GGT5: variants seen among roughly 807,000 people sequenced by gnomAD.
GGT5 encodes the protein gamma-glutamyltransferase 5, also known as glutathione hydrolase 5 proenzyme.
GGT5 carries 50 observed loss-of-function variants against 58.1 expected under a neutral mutation model. The ratio of observed to expected loss-of-function variants is 0.86; its 90% CI spans 0.69 to 1.09. The LOEUF (loss-of-function observed/expected upper bound fraction) is 1.09. Among genes scored for constraint, GGT5 ranks in the 50% least tolerant of loss-of-function variants. GGT5 has a pLI of 0.00. For missense variants in GGT5, 800 were observed against 789.4 expected (o/e 1.01, Z -0.16); for synonymous variants, 370 against 346.1 (o/e 1.07, Z -0.77).
intron 11 of GGT5, chr22:24,220,485 T>G (rs1195032303): frequency 4.3e-6 from 2 of 468,998 alleles, no homozygotes; most frequent in Non-Finnish European, 8.4e-6. Context: ...GACACAGTGG[T>G]TCACACCTGT....
At chr22:24,238,906 T>TATATATTA in intron 1 of GGT5, among the ~76,000 whole-genome samples, 1 of 14,782 alleles carries the variant, frequency 6.8e-5, no homozygotes, top group South Asian at 1.9e-3. Context: ...TATATATATA[T>TATATATTA]TATATATATT....
chr22:24,230,439 T>A (rs2047904162), intron 6 of GGT5, among the ~76,000 whole-genome samples: 1 of 150,948 alleles, frequency 6.6e-6, no homozygotes, highest in South Asian at 2.1e-4. Flanking sequence ...ATGCCTGTAA[T>A]CCCAGCTACT....
At chr22:24,238,793 ATT>A (rs56774827) in intron 1 of GGT5, among the ~76,000 whole-genome samples, 1,735 of 13,962 alleles carry the variant, frequency 0.12, 326 homozygotes, top group African/African-American at 0.39. Context: ...TATATTATAT[ATT>A]TATATATATA....
chr22:24,238,957 TA>T (rs56679608), intron 1 of GGT5, among the ~76,000 whole-genome samples: 580 of 25,706 alleles, frequency 0.023, 67 homozygotes, highest in Non-Finnish European at 0.039. Flanking sequence ...TATATATATA[TA>T]ATATATATAT....
At chr22:24,237,825 T>C (rs540432641) in intron 1 of GGT5, among the ~76,000 whole-genome samples, 3 of 152,342 alleles carry the variant, frequency 2.0e-5, no homozygotes, top group African/African-American at 7.2e-5. Context: ...AAAAGGTCCA[T>C]AGGATCTCCA....
intron 11 of GGT5, among the ~76,000 whole-genome samples, chr22:24,222,085 A>C (rs1366742954): frequency 6.6e-6 from 1 of 152,010 alleles, no homozygotes; most frequent in African/African-American, 2.4e-5. Flanking sequence ...AGGCTGAGAC[A>C]TGAGAATTGC....
intron 1 of GGT5, among the ~76,000 whole-genome samples, chr22:24,236,808 A>G (rs910538399): frequency 6.6e-6 from 1 of 151,662 alleles, no homozygotes; most frequent in Admixed American, 6.6e-5. Flanking sequence ...ACTTCCTGGT[A>G]ATGGGAGACT....
rs563859731 is a variant in GGT5, at chr22:24,230,229, G to C, written c.901+1155C>G. On this transcript the variant is annotated intron_variant, in intron 6 of 11. Transcript: ENST00000327365. Reference sequence around the variant, plus strand: ...CCAAAAATACAAAAATTAACTCGGTGTCGTGGCAAGCGCCTGTAATCCCAG... The same window carrying C: ...CCAAAAATACAAAAATTAACTCGGTCTCGTGGCAAGCGCCTGTAATCCCAG... Among the ~76,000 whole-genome samples the C allele has an allele frequency of 5.9e-5, 9 of 152,158 alleles. No individual in the cohort carries two copies. In the East Asian group the frequency reaches 1.7e-3, roughly 30 times the overall value.
intron 1 of GGT5, chr22:24,241,157 C>CGAAAAA (rs1491554724): frequency 1.4e-5 from 1 of 73,392 alleles, no homozygotes; most frequent in African/African-American, 4.8e-5. Flanking sequence ...AACTCCATCT[C>CGAAAAA]AAAAAAAAAA....
intron 5 of GGT5, 121 bp from the exon 6 acceptor site, chr22:24,231,651 G>A (rs2047945561): frequency 2.9e-6 from 3 of 1,038,984 alleles, no homozygotes; most frequent in Middle Eastern, 2.2e-4. Flanking sequence ...GACACAGGAT[G>A]ATGGTAGGTC....
intron 11 of GGT5, chr22:24,220,581 G>A (rs1601361974): frequency 2.2e-6 from 1 of 454,254 alleles, no homozygotes; most frequent in Non-Finnish European, 4.4e-6. Flanking sequence ...GCAAGATCCT[G>A]TTTCTAAAAA....
At chr22:24,232,244 T>C (rs1263804679) in intron 4 of GGT5, 36 bp from the exon 5 acceptor site, 1 of 1,287,910 alleles carries the variant, frequency 7.8e-7, no homozygotes, top group South Asian at 1.4e-5. Flanking sequence ...TGGGGCCAGG[T>C]CCCAGAGGCA....
intron 1 of GGT5, chr22:24,244,317 C>CA (rs1491335433): frequency 0.26 from 85,823 of 334,110 alleles, 6,559 homozygotes; most frequent in Admixed American, 0.32. Context: ...ACACACACAC[C>CA]CACCCACACA....
chr22:24,244,778 A>C lies in GGT5; in HGVS notation c.-53T>G. ...GGCTGGTGGGCAGACGGAGGGACGG[A>C]TGGGTGGGCAGATGAATGGACAAGA... On this transcript the variant is annotated 5_prime_UTR_variant, in exon 1 of 12. Coordinates refer to ENST00000327365, the MANE Select transcript of GGT5 (RefSeq NM_004121.5). 1 of 1,541,690 alleles carries C rather than the reference A, an allele frequency of 6.5e-7. No homozygotes were observed. Among genetic ancestry groups the C allele is most frequent in the Non-Finnish European group, 8.8e-7 (1 of 1,141,724 alleles).
chr22:24,231,001 G>A (rs1460372807), intron 6 of GGT5, among the ~76,000 whole-genome samples: 1 of 152,186 alleles, frequency 6.6e-6, no homozygotes, highest in East Asian at 1.9e-4. Context: ...CCTCAGCACT[G>A]CCAGAACCCC....
chr22:24,226,836 C>G (rs1044674196), intron 6 of GGT5, 69 bp from the exon 7 acceptor site: 34 of 1,338,576 alleles, frequency 2.5e-5, no homozygotes, highest in Non-Finnish European at 3.1e-5. Flanking sequence ...TGCCCCCACC[C>G]CCCACCACAG....
chr22:24,244,125 G>A (rs2048397764), intron 1 of GGT5: 2 of 167,174 alleles, frequency 1.2e-5, no homozygotes, highest in African/African-American at 2.4e-5. Flanking sequence ...GAATCCTGGA[G>A]CCAGGCGTGG....
chr22:24,220,964 C>A (rs142449120), intron 11 of GGT5, among the ~76,000 whole-genome samples: 1,592 of 150,550 alleles, frequency 0.011, 13 homozygotes, highest in Non-Finnish European at 0.017. Flanking sequence ...GCAGGAGGAT[C>A]CCTTGAGGCT....
chr22:24,231,556 T>C (rs780988849), intron 5 of GGT5, 26 bp from the exon 6 acceptor site: 10 of 1,580,978 alleles, frequency 6.3e-6, no homozygotes, highest in Non-Finnish European at 7.7e-6. Context: ...GAGGGCTCCA[T>C]GAACAGATGG....
Sources: allele counts gnomAD v4.1 joint callset (sites outside exome capture counted in the v4.1 genomes callset), GRCh38; gene constraint gnomAD v4.1.1; transcripts MANE v1.5; gene names NCBI Gene and HGNC (gene_info 2026-07-23, HGNC 2026-07-21).